Variants in KDM4C observed in about 807,000 individuals in gnomAD.
KDM4C encodes the protein lysine-specific demethylase 4C.
A neutral mutation model predicts 129.3 loss-of-function variants in KDM4C; 81 were observed. The ratio of observed to expected loss-of-function variants is 0.63; its 90% CI spans 0.52 to 0.75. The LOEUF is 0.75. Ranked by LOEUF, KDM4C falls within the 30% of genes least tolerant of loss-of-function variation. The pLI, the probability that KDM4C is intolerant of heterozygous loss-of-function variation, is 0.00. For missense variants in KDM4C, 1,457 were observed against 1,304.0 expected (o/e 1.12, Z -1.81); for synonymous variants, 573 against 456.1 (o/e 1.26, Z -3.26).
intron 17 of KDM4C, among the ~76,000 whole-genome samples, chr9:7,090,487 C>G (rs1363066271): frequency 6.6e-6 from 1 of 150,966 alleles, no homozygotes; most frequent in African/African-American, 2.5e-5. Flanking sequence ...AAGTAAATTG[C>G]TTGTGGGTTC....
intron 5 of KDM4C, among the ~76,000 whole-genome samples, chr9:6,854,996 G>A (rs2130274796): frequency 6.6e-6 from 1 of 152,128 alleles, no homozygotes; most frequent in East Asian, 1.9e-4. Context: ...CAATTGTGTG[G>A]ATTAAATAAC....
chr9:6,991,462 G>T (rs1818733241), intron 12 of KDM4C, among the ~76,000 whole-genome samples: 1 of 151,886 alleles, frequency 6.6e-6, no homozygotes. Flanking sequence ...ATTCGTAAGT[G>T]TCTTGTATAT....
intron 4 of KDM4C, among the ~76,000 whole-genome samples, chr9:6,816,402 G>A (rs2131163840): frequency 6.6e-6 from 1 of 151,956 alleles, no homozygotes; most frequent in South Asian, 2.1e-4. Flanking sequence ...CCTACTATAG[G>A]CTCCCCTTTT....
intron 18 of KDM4C, among the ~76,000 whole-genome samples, chr9:7,120,611 A>G (rs925190988): frequency 2.6e-5 from 4 of 152,180 alleles, no homozygotes; most frequent in Non-Finnish European, 5.9e-5. Context: ...TTGAAACAAC[A>G]TGTCTTTGGA....
chr9:6,885,754 C>G (rs1465881271), intron 6 of KDM4C, among the ~76,000 whole-genome samples: 2 of 152,066 alleles, frequency 1.3e-5, no homozygotes, highest in East Asian at 3.9e-4. Context: ...AAGGCACATA[C>G]TTTGTACATA....
intron 17 of KDM4C, among the ~76,000 whole-genome samples, chr9:7,097,396 A>G (rs1201508068): frequency 2.0e-5 from 3 of 151,404 alleles, no homozygotes; most frequent in Admixed American, 1.3e-4. Flanking sequence ...TCAGGTTGGA[A>G]CTCATCCAGC....
At chr9:6,750,394 G>C (rs762713645) in intron 1 of KDM4C, among the ~76,000 whole-genome samples, 1 of 151,310 alleles carries the variant, frequency 6.6e-6, no homozygotes, top group South Asian at 2.1e-4. Flanking sequence ...AGCCGAGATC[G>C]TGTCATTGCA....
At chr9:6,994,045 G>C (rs1158366980) in intron 12 of KDM4C, among the ~76,000 whole-genome samples, 1 of 152,154 alleles carries the variant, frequency 6.6e-6, no homozygotes, top group African/African-American at 2.4e-5. Flanking sequence ...TAGGGGTGGG[G>C]ATGGTTTTGG....
chr9:6,965,587 G>T (rs1168632313), intron 8 of KDM4C, among the ~76,000 whole-genome samples: 1 of 152,208 alleles, frequency 6.6e-6, no homozygotes, highest in Non-Finnish European at 1.5e-5. Flanking sequence ...CAGAACTGAT[G>T]ATGTACTTTT....
At chr9:7,134,712 C>G (rs932665372) in intron 19 of KDM4C, among the ~76,000 whole-genome samples, 2 of 152,158 alleles carry the variant, frequency 1.3e-5, no homozygotes, top group Non-Finnish European at 2.9e-5. Flanking sequence ...TTTGCCCAAT[C>G]AAGGGGAAAC....
At chr9:6,987,943 A>T (rs1486145572) in intron 11 of KDM4C, among the ~76,000 whole-genome samples, 1 of 151,538 alleles carries the variant, frequency 6.6e-6, no homozygotes, top group East Asian at 1.9e-4. Flanking sequence ...GATCCCCTCG[A>T]GCCCAGAGGT....
intron 1 of KDM4C, among the ~76,000 whole-genome samples, chr9:6,724,460 C>T (rs773854318): frequency 6.6e-6 from 1 of 152,020 alleles, no homozygotes; most frequent in African/African-American, 2.4e-5. Flanking sequence ...TAATGCTCAG[C>T]GAGCATCCAT....
At chr9:6,747,539 C>CAAAAAAA (rs35996555) in intron 1 of KDM4C, among the ~76,000 whole-genome samples, 7 of 97,956 alleles carry the variant, frequency 7.1e-5, no homozygotes, top group Non-Finnish European at 1.3e-4. Flanking sequence ...CAGGGCGATT[C>CAAAAAAA]AAAAAAAAAA....
intron 8 of KDM4C, among the ~76,000 whole-genome samples, chr9:6,961,181 A>G (rs1274068851): frequency 6.6e-6 from 1 of 152,244 alleles, no homozygotes; most frequent in Non-Finnish European, 1.5e-5. Flanking sequence ...ATCTAAAATT[A>G]GTTGTCCTTT....
At chr9:6,785,785 C>G (rs1825359724) in intron 1 of KDM4C, among the ~76,000 whole-genome samples, 1 of 152,204 alleles carries the variant, frequency 6.6e-6, no homozygotes, top group Admixed American at 6.5e-5. Flanking sequence ...TTCAGCGTGT[C>G]TTTTGGGGGG....
In KDM4C at chr9:6,854,536, AAAAAAAAAAC is replaced by A. The variant is rs1488080765; in HGVS notation, c.629+4846_629+4855del. Among the ~76,000 whole-genome samples, 109 of 146,178 alleles carry A rather than the reference AAAAAAAAAAC, an allele frequency of 7.5e-4. 2 individuals are homozygous for A. The East Asian group carries it at 0.011, about 15-fold the overall frequency. On this transcript the variant is annotated intron_variant, in intron 5 of 21. Transcript: ENST00000381309. ...GCGAAACTCCGTCTCAAAAAAAAAAAAAAAAAAAACAAAAAAAAAACTAACTTTCAAATTT... is the reference window on the plus strand; with the variant it reads ...GCGAAACTCCGTCTCAAAAAAAAAAAAAAAAAAAAACTAACTTTCAAATTT...
At chr9:6,797,549 C>T (rs1827981255) in intron 2 of KDM4C, among the ~76,000 whole-genome samples, 1 of 152,144 alleles carries the variant, frequency 6.6e-6, no homozygotes, top group African/African-American at 2.4e-5. Context: ...AAAACTTGTA[C>T]TGTTTTTGTG....
rs1845538255 is a variant in KDM4C at position 6,887,925 on chromosome 9, A to G, written c.680-35A>G. 2.2e-5 allele frequency: 26 copies of G among 1,197,030 alleles called. No homozygotes were observed. In the East Asian group the frequency reaches 5.4e-4, roughly 25 times the overall value. 74.2% of individuals were successfully genotyped at this position (1,197,030 alleles called of 1,614,324 possible). A position where few individuals can be genotyped will look rare whatever the true frequency, so the allele number is the denominator to read the frequency against. ...CCTATTTGATATTTTCTCTTAATCG[A>G]CACAGTGCCACTTACATTTATTGTT... On this transcript the variant is annotated intron_variant, in intron 6 of 21. Transcript: ENST00000381309.
intron 2 of KDM4C, among the ~76,000 whole-genome samples, chr9:6,800,264 G>A (rs1340248992): frequency 3.9e-5 from 6 of 152,154 alleles, no homozygotes; most frequent in African/African-American, 1.4e-4. Flanking sequence ...CTCCTTGGGA[G>A]GCTGGGACAC....
Sources: allele counts gnomAD v4.1 joint callset (sites outside exome capture counted in the v4.1 genomes callset), GRCh38; gene constraint gnomAD v4.1.1; transcripts MANE v1.5; gene names NCBI Gene and HGNC (gene_info 2026-07-23, HGNC 2026-07-21).